The following ELK3 variants were observed in gnomAD, a reference collection of about 807,000 sequenced individuals.
ELK3 encodes ETS domain-containing protein Elk-3.
Under a neutral mutation model 28.9 loss-of-function variants are expected in ELK3, and 10 were observed. The observed-to-expected ratio is 0.35, with a 90% CI of 0.21 to 0.59. The LOEUF (loss-of-function observed/expected upper bound fraction) is 0.59, where lower values mean the gene tolerates loss of function less well. Ranked by LOEUF, ELK3 falls within the 20% of genes least tolerant of loss-of-function variation. The probability of loss-of-function intolerance (pLI) is 0.82; values close to 1 mark genes in which losing one functional copy is unlikely to be tolerated. For synonymous variants in ELK3, 272 were observed against 243.5 expected (o/e 1.12, Z -1.09); for missense variants, 463 against 517.3 (o/e 0.90, Z 1.02).
At chr12:96,203,768 C>G (rs1006829888) in intron 1 of ELK3, among the ~76,000 whole-genome samples, 2 of 152,142 alleles carry the variant, frequency 1.3e-5, no homozygotes, top group Non-Finnish European at 2.9e-5. Context: ...TGGTGAAACC[C>G]AATCTCTACT....
chr12:96,224,303 C>T (rs548143506), intron 2 of ELK3, among the ~76,000 whole-genome samples: 1 of 152,148 alleles, frequency 6.6e-6, no homozygotes, highest in Admixed American at 6.5e-5. Context: ...CGAGCCATTA[C>T]ATGTAAGTAC....
At chr12:96,200,151 A>G (rs931032139) in intron 1 of ELK3, among the ~76,000 whole-genome samples, 6 of 152,202 alleles carry the variant, frequency 3.9e-5, no homozygotes, top group African/African-American at 1.4e-4. Context: ...AGATCGAGGT[A>G]ATTAGATCCA....
intron 2 of ELK3, among the ~76,000 whole-genome samples, chr12:96,229,119 G>T (rs79890449): frequency 4.6e-5 from 7 of 152,320 alleles, no homozygotes; most frequent in African/African-American, 1.7e-4. Context: ...AATGCTAGAC[G>T]AGTGAACAAA....
intron 2 of ELK3, among the ~76,000 whole-genome samples, chr12:96,227,920 C>G (rs927756180): frequency 2.9e-4 from 44 of 152,004 alleles, no homozygotes; most frequent in African/African-American, 9.7e-4. Flanking sequence ...AGAACAGGGC[C>G]CCAAACAGGG....
At chr12:96,212,836 A>G (rs1392123952) in intron 1 of ELK3, 3 of 152,186 alleles carry the variant, frequency 2.0e-5, no homozygotes, top group Non-Finnish European at 4.4e-5. Context: ...CACACTGGAG[A>G]AGGGAGTGAG....
chr12:96,269,098 G>A lies in ELK3; in HGVS notation c.*1918G>A, dbSNP rs886755166. 8 of 152,338 alleles carry A rather than the reference G, an allele frequency of 5.3e-5. No homozygotes were observed. Among genetic ancestry groups the A allele is most frequent in the East Asian group, 1.9e-4 (1 of 5,192 alleles). The allele number at this position is 152,338 out of a possible 1,614,324, so 9.4% of individuals were successfully genotyped here. A position where few individuals can be genotyped will look rare whatever the true frequency, so the allele number is the denominator to read the frequency against. Reference sequence around the variant, plus strand: ...AAGACAGGTGCACAGCAGAAGCTGGGAGTTGCCTATGGCTGCACAGCTCAC... The same window carrying A: ...AAGACAGGTGCACAGCAGAAGCTGGAAGTTGCCTATGGCTGCACAGCTCAC... On this transcript the variant is annotated 3_prime_UTR_variant, in exon 5 of 5. Transcript: ENST00000228741.
chr12:96,225,837 A>C (rs1951695272), intron 2 of ELK3, among the ~76,000 whole-genome samples: 1 of 152,188 alleles, frequency 6.6e-6, no homozygotes, highest in South Asian at 2.1e-4. Context: ...AGTTTTGTTT[A>C]TTACCAAGAG....
intron 2 of ELK3, among the ~76,000 whole-genome samples, chr12:96,232,030 G>A (rs77049656): frequency 1.8e-3 from 274 of 152,302 alleles, no homozygotes; most frequent in African/African-American, 6.2e-3. Flanking sequence ...GAAGGCCTCC[G>A]GAGGTCAAGA....
At chr12:96,245,765 T>C (rs972330684) in intron 2 of ELK3, among the ~76,000 whole-genome samples, 1 of 152,184 alleles carries the variant, frequency 6.6e-6, no homozygotes, top group Non-Finnish European at 1.5e-5. Flanking sequence ...CCCAGTGGGT[T>C]CGGCAGGGAA....
At chr12:96,213,088 G>A (rs1278324342) in intron 1 of ELK3, among the ~76,000 whole-genome samples, 1 of 152,174 alleles carries the variant, frequency 6.6e-6, no homozygotes, top group Non-Finnish European at 1.5e-5. Context: ...AGCTGTTTAT[G>A]TGTTGTGGAA....
intron 2 of ELK3, among the ~76,000 whole-genome samples, chr12:96,241,738 G>T (rs954042099): frequency 6.6e-6 from 1 of 152,230 alleles, no homozygotes; most frequent in Non-Finnish European, 1.5e-5. Flanking sequence ...GGGACGACTT[G>T]CCCTTTAGGC....
chr12:96,222,960 G>A (rs1340784002), intron 1 of ELK3: 2 of 154,432 alleles, frequency 1.3e-5, no homozygotes, highest in African/African-American at 4.8e-5. Context: ...GCAAGAAAGC[G>A]AGGGTCAAGG....
rs2137049955 is a variant in ELK3, at chr12:96,269,024, G to A, written c.*1844G>A. 7.2e-6 allele frequency: 1 copy of A among 139,252 alleles called. No homozygotes were observed. The highest frequency in any genetic ancestry group is 2.3e-4 in the South Asian group (1 of 4,352). The allele number at this position is 139,252 out of a possible 1,614,324, so 8.6% of individuals were successfully genotyped here. On this transcript the variant is annotated 3_prime_UTR_variant, in exon 5 of 5. Transcript: ENST00000228741. ...GATATTTACTGAACATACAAAGTTA[G>A]TGCTAGAAGGGGCCTTTGAGAATGC...
intron 2 of ELK3, among the ~76,000 whole-genome samples, chr12:96,229,013 T>C (rs1951723396): frequency 6.6e-6 from 1 of 152,230 alleles, no homozygotes; most frequent in African/African-American, 2.4e-5. Context: ...GTCGTAGCTG[T>C]CTGTATATAG....
At chr12:96,256,008 TC>T (rs3216590) in intron 3 of ELK3, among the ~76,000 whole-genome samples, 69,442 of 151,520 alleles carry the variant, frequency 0.46, 17,036 homozygotes, top group South Asian at 0.62. Context: ...GAACCTCAAA[TC>T]TGGGGCTAAG....
chr12:96,233,039 C>T (rs1204352249), intron 2 of ELK3, among the ~76,000 whole-genome samples: 1 of 152,168 alleles, frequency 6.6e-6, no homozygotes, highest in Admixed American at 6.6e-5. Flanking sequence ...TGTGTCTCCT[C>T]TTACTGTTCT....
intron 2 of ELK3, among the ~76,000 whole-genome samples, chr12:96,234,186 C>T (rs1383390955): frequency 6.6e-6 from 1 of 152,194 alleles, no homozygotes; most frequent in Non-Finnish European, 1.5e-5. Flanking sequence ...TGCTTCCAGG[C>T]CAGCTTCCCT....
chr12:96,221,247 G>A (rs2094539466), intron 1 of ELK3, among the ~76,000 whole-genome samples: 1 of 152,206 alleles, frequency 6.6e-6, no homozygotes, highest in African/African-American at 2.4e-5. Context: ...ACATGGGGTT[G>A]GATTGCAATG....
Position 96,247,447 on chromosome 12 carries a change from T to C in ELK3, c.715T>C (p.Phe239Leu). The C allele has an allele frequency of 6.2e-7, 1 of 1,614,088 alleles. No homozygotes were observed. Among genetic ancestry groups the C allele is most frequent in the East Asian group, 2.2e-5 (1 of 44,880 alleles). The change falls in exon 3 of 5, where the codon TTC becomes CTC. Residue 239 changes from phenylalanine (F) to leucine (L), a missense_variant. Phe to Leu is a conservative substitution (Grantham distance 22). Coordinates refer to ENST00000228741, the MANE Select transcript of ELK3 (RefSeq NM_005230.4). This position sits in a 1 kb window ranked among gnomAD's most constrained non-coding sequence, Gnocchi z 5.5. ...NAASISSASP[F>L]SSRSPSLSPN... is the part of the protein sequence containing the mutation. The stretch of plus-strand genomic sequence containing the variant: ...TGCCAGTATTTCATCCGCCTCACCC[T>C]TCTCATCTCGGTCCCCGTCCCTGTC...
Sources: gnomAD v4.1 joint callset for allele counts (sites outside exome capture counted in the v4.1 genomes callset) on GRCh38, gnomAD v4.1.1 for gene constraint, Gnocchi (gnomAD v3.1) non-coding constraint, MANE v1.5 for transcripts, NCBI Gene and HGNC (gene_info 2026-07-23, HGNC 2026-07-21) for gene names.